HHAT: variants seen among roughly 807,000 people sequenced by gnomAD.
The protein encoded by HHAT is hedgehog acyltransferase.
Under a neutral mutation model 70.8 loss-of-function variants are expected in HHAT, and 47 were observed. The ratio of observed to expected loss-of-function variants is 0.66; its 90% CI spans 0.53 to 0.85. HHAT has a LOEUF of 0.85. Among genes scored for constraint, HHAT ranks in the 40% least tolerant of loss-of-function variants. The probability of loss-of-function intolerance (pLI) is 0.00; values close to 1 mark genes in which losing one functional copy is unlikely to be tolerated. For missense variants in HHAT, 609 were observed against 604.8 expected, an observed-to-expected ratio of 1.01 and a Z score of -0.07; for synonymous variants, 228 against 247.6, an observed-to-expected ratio of 0.92 and a Z score of 0.74.
At chr1:210,642,619 A>G (rs1054703945) in intron 11 of HHAT, among the ~76,000 whole-genome samples, 1 of 152,154 alleles carries the variant, frequency 6.6e-6, no homozygotes, top group Non-Finnish European at 1.5e-5. Flanking sequence ...GTATCTTTGC[A>G]ATGTTTATTA....
chr1:210,391,464 C>A (rs772657930), intron 4 of HHAT, among the ~76,000 whole-genome samples: 15 of 151,808 alleles, frequency 9.9e-5, no homozygotes, highest in Non-Finnish European at 2.1e-4. Flanking sequence ...TATCTAATGA[C>A]ACAATAGAAA....
chr1:210,654,008 G>A, intron 11 of HHAT, among the ~76,000 whole-genome samples: 1 of 58 alleles, frequency 0.017, no homozygotes, highest in Non-Finnish European at 0.062. Context: ...AGTGTGATGG[G>A]AATAGTGTGA....
At chr1:210,390,605 C>T (rs1434933758) in intron 4 of HHAT, among the ~76,000 whole-genome samples, 1 of 152,066 alleles carries the variant, frequency 6.6e-6, no homozygotes, top group Non-Finnish European at 1.5e-5. Flanking sequence ...ACCTGTCACC[C>T]AAGCAATGTA....
rs1195331888 is a variant in HHAT at position 210,644,836 on chromosome 1, T to C, written c.1390+21166T>C. ...ACCACTTTTTGCACAGAACAACTTGTTATAAGACCTGGGGCACTCCGGGAA... is the reference window on the plus strand; with the variant it reads ...ACCACTTTTTGCACAGAACAACTTGCTATAAGACCTGGGGCACTCCGGGAA... On this transcript the variant is annotated intron_variant, in intron 11 of 11. Transcript: ENST00000261458. 2.6e-5 allele frequency among the ~76,000 whole-genome samples: 4 copies of C among 152,138 alleles called. No individual in the cohort carries two copies. In the East Asian group the frequency reaches 7.7e-4, roughly 29 times the overall value.
At chr1:210,485,715 A>G (rs1335437501) in intron 8 of HHAT, among the ~76,000 whole-genome samples, 1 of 152,066 alleles carries the variant, frequency 6.6e-6, no homozygotes, top group Non-Finnish European at 1.5e-5. Context: ...ACCAAGCAAA[A>G]CAGCCTCCCC....
intron 9 of HHAT, among the ~76,000 whole-genome samples, chr1:210,566,217 C>T (rs1654710209): frequency 6.6e-6 from 1 of 152,170 alleles, no homozygotes; most frequent in Non-Finnish European, 1.5e-5. Context: ...TTGACATTTA[C>T]TAGAGGCTCA....
At chr1:210,519,369 G>A (rs772932446) in intron 9 of HHAT, among the ~76,000 whole-genome samples, 4 of 152,112 alleles carry the variant, frequency 2.6e-5, no homozygotes, top group Non-Finnish European at 4.4e-5. Context: ...CATATACCCA[G>A]TAGTGGGATT....
At chr1:210,512,113 G>C (rs764297733) in intron 8 of HHAT, among the ~76,000 whole-genome samples, 57 of 152,144 alleles carry the variant, frequency 3.7e-4, no homozygotes, top group Non-Finnish European at 6.9e-4. Context: ...GTCTGCCATA[G>C]CCCAGCGCTA....
chr1:210,598,085 G>A (rs966467908), intron 10 of HHAT, among the ~76,000 whole-genome samples: 2 of 151,854 alleles, frequency 1.3e-5, no homozygotes, highest in African/African-American at 4.8e-5. Flanking sequence ...CAAAGCAGTG[G>A]GTTCCCTTTT....
chr1:210,437,562 T>C lies in HHAT; in HGVS notation c.856+19237T>C, dbSNP rs561490242. On this transcript the variant is annotated intron_variant, in intron 7 of 11. Transcript: ENST00000261458. ...CTTGGTGAGAGGCTGTCCACATTGT[T>C]GATCCTGTGCAAAGCTTTCATTGCT... Among the ~76,000 whole-genome samples the C allele has an allele frequency of 1.8e-3, 267 of 151,974 alleles. 7 individuals are homozygous for C. Among genetic ancestry groups the C allele is most frequent in the African/African-American group, 6.2e-3 (255 of 41,238 alleles).
At chr1:210,642,967 C>A (rs976474918) in intron 11 of HHAT, among the ~76,000 whole-genome samples, 4 of 152,136 alleles carry the variant, frequency 2.6e-5, no homozygotes, top group Admixed American at 6.5e-5. Flanking sequence ...TTAGTAGAAG[C>A]TTTACTTTTT....
intron 9 of HHAT, among the ~76,000 whole-genome samples, chr1:210,550,120 C>G (rs2095516227): frequency 1.3e-5 from 2 of 149,234 alleles, no homozygotes; most frequent in Non-Finnish European, 2.9e-5. Flanking sequence ...TCCACTCATC[C>G]TTTCATGCCT....
At chr1:210,386,436 C>G (rs1040031558) in intron 3 of HHAT, among the ~76,000 whole-genome samples, 2 of 150,884 alleles carry the variant, frequency 1.3e-5, no homozygotes, top group Admixed American at 1.3e-4. Context: ...GACGGGGTTT[C>G]ACCGTTTTAG....
rs950596536 is a variant in HHAT, at chr1:210,502,936, A to G, written c.1008-10217A>G. On this transcript the variant is annotated intron_variant, in intron 8 of 11. Transcript: ENST00000261458. ...ATACTCAAGATTTAATTTAGCTTAT[A>G]CTGTGTACTCAATATACTGTCTATA... 4.3e-4 allele frequency among the ~76,000 whole-genome samples: 65 copies of G among 150,946 alleles called. 1 individual carries two copies. Among genetic ancestry groups the G allele is most frequent in the Non-Finnish European group, 1.3e-4 (9 of 67,804 alleles).
intron 9 of HHAT, among the ~76,000 whole-genome samples, chr1:210,545,094 C>T (rs1325759605): frequency 1.3e-5 from 2 of 151,918 alleles, no homozygotes; most frequent in Non-Finnish European, 2.9e-5. Flanking sequence ...AAAAAAAAAC[C>T]ACACAATTCT....
intron 7 of HHAT, among the ~76,000 whole-genome samples, chr1:210,464,155 G>A (rs1343174499): frequency 7.3e-6 from 1 of 137,474 alleles, no homozygotes; most frequent in South Asian, 2.3e-4. Flanking sequence ...TTTTTTTTTT[G>A]TACCCATTAT....
intron 11 of HHAT, among the ~76,000 whole-genome samples, chr1:210,661,542 C>T (rs1272349203): frequency 6.6e-6 from 1 of 152,182 alleles, no homozygotes; most frequent in Non-Finnish European, 1.5e-5. Flanking sequence ...CCAGCCATCC[C>T]ATTACTGGGT....
intron 9 of HHAT, among the ~76,000 whole-genome samples, chr1:210,553,461 A>T (rs1347580678): frequency 6.6e-6 from 1 of 152,158 alleles, no homozygotes; most frequent in Non-Finnish European, 1.5e-5. Context: ...TACACATTGG[A>T]AGGCAGAAGA....
At chr1:210,344,986 G>T (rs1052959628) in intron 1 of HHAT, among the ~76,000 whole-genome samples, 3 of 152,086 alleles carry the variant, frequency 2.0e-5, no homozygotes, top group Non-Finnish European at 4.4e-5. Context: ...TTAAACCTTT[G>T]CACTTTGCTT....
Sources: allele counts gnomAD v4.1 joint callset (sites outside exome capture counted in the v4.1 genomes callset), GRCh38; gene constraint gnomAD v4.1.1; transcripts MANE v1.5; gene names NCBI Gene and HGNC (gene_info 2026-07-23, HGNC 2026-07-21).